The following USH2A variants were observed in gnomAD, a reference collection of about 807,000 sequenced individuals.
USH2A encodes the protein Usher syndrome 2A (autosomal recessive, mild).
In USH2A, 443 loss-of-function variants were observed where a neutral mutation model predicts 538.9. That is an observed-to-expected ratio of 0.82 (90% confidence interval 0.76 to 0.89). USH2A has a LOEUF of 0.89. Ranked by LOEUF, USH2A falls within the 40% of genes least tolerant of loss-of-function variation. USH2A has a pLI of 0.00. For missense variants in USH2A, 6,633 were observed against 6,324.8 expected (o/e 1.05, Z -1.65); for synonymous variants, 2,413 against 2,273.5 (o/e 1.06, Z -1.75).
At chr1:215,979,006 A>G (rs1437714396) in intron 35 of USH2A, among the ~76,000 whole-genome samples, 2 of 152,192 alleles carry the variant, frequency 1.3e-5, no homozygotes, top group African/African-American at 4.8e-5. Flanking sequence ...TAATAAAGAC[A>G]TACCTGAGAC....
intron 9 of USH2A, among the ~76,000 whole-genome samples, chr1:216,317,560 G>A (rs1032689004): frequency 2.0e-5 from 3 of 151,866 alleles, no homozygotes; most frequent in African/African-American, 4.8e-5. Flanking sequence ...TAAAATAAAA[G>A]TTGAGGGCCA....
rs12139622 is a variant in USH2A at position 216,231,261 on chromosome 1, T to A, written c.2993+692A>T. On this transcript the variant is annotated intron_variant, in intron 14 of 71. Coordinates refer to ENST00000307340, the MANE Select transcript of USH2A (RefSeq NM_206933.4). ...ATATATATATATATTATATATATAA[T>A]ATATATATATAATATATATACACAG... Among the ~76,000 whole-genome samples, 17 of 83,534 alleles carry A rather than the reference T, an allele frequency of 2.0e-4. 1 individual carries two copies. Among genetic ancestry groups the A allele is most frequent in the African/African-American group, 5.3e-4 (13 of 24,708 alleles). 54.8% of individuals were successfully genotyped at this position (83,534 alleles called of 152,430 possible). A position where few individuals can be genotyped will look rare whatever the true frequency, so the allele number is the denominator to read the frequency against.
chr1:215,965,663 G>T (rs1401079266), intron 36 of USH2A, among the ~76,000 whole-genome samples, 184 bp from the exon 37 acceptor site: 1 of 152,084 alleles, frequency 6.6e-6, no homozygotes, highest in East Asian at 1.9e-4. Context: ...TCCCCCTGCT[G>T]TTAAAGCTTA....
At chr1:215,854,278 G>T (rs184006338) in intron 44 of USH2A, among the ~76,000 whole-genome samples, 1 of 152,254 alleles carries the variant, frequency 6.6e-6, no homozygotes, top group Non-Finnish European at 1.5e-5. Flanking sequence ...CATGAGAATA[G>T]CATAGGAAAG....
intron 61 of USH2A, among the ~76,000 whole-genome samples, chr1:215,720,790 G>C (rs1471311103): frequency 6.6e-6 from 1 of 152,140 alleles, no homozygotes; most frequent in Non-Finnish European, 1.5e-5. Flanking sequence ...GCCTGCATCA[G>C]AGGACTATGA....
intron 61 of USH2A, among the ~76,000 whole-genome samples, chr1:215,700,463 TA>T (rs1658971765): frequency 6.6e-6 from 1 of 152,198 alleles, no homozygotes; most frequent in Non-Finnish European, 1.5e-5. Context: ...GGTAGTCTAT[TA>T]ATTACTGCCT....
chr1:215,930,968 G>A (rs1174175479), intron 38 of USH2A, among the ~76,000 whole-genome samples: 1 of 151,694 alleles, frequency 6.6e-6, no homozygotes, highest in Non-Finnish European at 1.5e-5. Context: ...ATACCTTAGT[G>A]CTAAATATGA....
At chr1:216,049,987 A>C (rs1020089656) in intron 30 of USH2A, among the ~76,000 whole-genome samples, 5 of 152,184 alleles carry the variant, frequency 3.3e-5, no homozygotes, top group African/African-American at 1.2e-4. Context: ...ATCTCATGCC[A>C]AATTCAGCTC....
chr1:215,735,599 C>A (rs1458040164), intron 60 of USH2A, among the ~76,000 whole-genome samples: 5 of 152,028 alleles, frequency 3.3e-5, no homozygotes, highest in East Asian at 1.9e-4. Context: ...CACAGATGAA[C>A]AAAAGCAGAA....
chr1:215,758,854 C>A (rs765340487), intron 57 of USH2A, 102 bp from the exon 58 acceptor site: 2 of 1,305,992 alleles, frequency 1.5e-6, no homozygotes, highest in Non-Finnish European at 2.2e-6. Context: ...AAATTTGTGA[C>A]AAATTGCAAA....
intron 4 of USH2A, among the ~76,000 whole-genome samples, chr1:216,328,477 T>C (rs925704530): frequency 6.6e-6 from 1 of 152,118 alleles, no homozygotes; most frequent in Admixed American, 6.6e-5. Flanking sequence ...AATAACAAAA[T>C]TTATTTCAAT....
intron 3 of USH2A, among the ~76,000 whole-genome samples, chr1:216,398,537 C>T (rs2102756903): frequency 9.4e-6 from 1 of 106,318 alleles, no homozygotes; most frequent in South Asian, 3.8e-4. Context: ...ACCAAACACA[C>T]ACACACAAGC....
rs922256767 is a variant in USH2A at position 216,114,706 on chromosome 1, AG to A, written c.4628-17494del. On this transcript the variant is annotated intron_variant, in intron 21 of 71. Transcript: ENST00000307340. ...ATTTTAGGTGATTGGTAAACCCTGA[AG>A]AAATGAAATTTCCAGTGGAAGGATT... is the stretch of plus-strand genomic sequence containing the variant. 5.7e-4 allele frequency among the ~76,000 whole-genome samples: 87 copies of A among 152,326 alleles called. 2 individuals are homozygous for A. Among genetic ancestry groups the A allele is most frequent in the African/African-American group, 1.9e-3 (80 of 41,576 alleles).
intron 13 of USH2A, among the ~76,000 whole-genome samples, chr1:216,241,454 C>A (rs2035936527): frequency 6.6e-6 from 1 of 151,954 alleles, no homozygotes; most frequent in African/African-American, 2.4e-5. Flanking sequence ...ACTAAATTTT[C>A]TTCATGCAAC....
chr1:216,069,720 A>G (rs1022314073), intron 30 of USH2A, among the ~76,000 whole-genome samples: 7 of 152,174 alleles, frequency 4.6e-5, no homozygotes, highest in Admixed American at 1.3e-4. Context: ...TTTTACAATA[A>G]ATAATAGTGG....
intron 37 of USH2A, 121 bp downstream of exon 37, chr1:215,965,196 A>G: frequency 8.7e-7 from 1 of 1,149,302 alleles, no homozygotes. Flanking sequence ...GGTTATTTTC[A>G]GGAAAATAAA....
chr1:216,372,202 A>T (rs1352661445), intron 3 of USH2A, among the ~76,000 whole-genome samples: 3 of 152,188 alleles, frequency 2.0e-5, no homozygotes, highest in African/African-American at 7.2e-5. Context: ...ATTCATACAC[A>T]GGTATGCCCC....
chr1:215,772,762 A>T (rs911888744), intron 55 of USH2A, among the ~76,000 whole-genome samples: 15 of 152,218 alleles, frequency 9.9e-5, no homozygotes, highest in African/African-American at 3.6e-4. Context: ...CATTCAGCCA[A>T]TTATTCTATA....
At chr1:216,349,799 T>A in intron 4 of USH2A, among the ~76,000 whole-genome samples, 1 of 152,120 alleles carries the variant, frequency 6.6e-6, no homozygotes, top group East Asian at 1.9e-4. Context: ...GCCTATGGAG[T>A]AGCCATTTTT....
Sources: allele counts gnomAD v4.1 joint callset (sites outside exome capture counted in the v4.1 genomes callset), GRCh38; gene constraint gnomAD v4.1.1; transcripts MANE v1.5; gene names NCBI Gene and HGNC (gene_info 2026-07-23, HGNC 2026-07-21).